Variants in ATP13A5 observed in about 807,000 individuals in gnomAD.
ATP13A5 encodes probable cation-transporting ATPase 13A5.
ATP13A5 carries 149 observed loss-of-function variants against 150.2 expected under a neutral mutation model. The observed-to-expected ratio is 0.99, with a 90% CI of 0.87 to 1.14. ATP13A5 has a LOEUF of 1.14. Ranked by LOEUF, ATP13A5 falls within the 50% of genes most tolerant of loss-of-function variation. ATP13A5 has a pLI of 0.00. For synonymous variants in ATP13A5, 497 were observed against 522.2 expected (o/e 0.95, Z 0.66); for missense variants, 1,383 against 1,449.3 (o/e 0.95, Z 0.74).
intron 7 of ATP13A5, 57 bp from the exon 8 acceptor site, chr3:193,345,132 T>C (rs116545953): frequency 0.019 from 29,016 of 1,491,282 alleles, 364 homozygotes; most frequent in Non-Finnish European, 0.022. Context: ...GAAAACCACA[T>C]GATCTCATTA....
intron 27 of ATP13A5, among the ~76,000 whole-genome samples, chr3:193,282,848 C>T (rs1717558178): frequency 6.6e-6 from 1 of 151,958 alleles, no homozygotes; most frequent in Non-Finnish European, 1.5e-5. Flanking sequence ...ATCAAAATCC[C>T]AAAGGGAAAT....
chr3:193,324,721 G>A (rs944591027), intron 14 of ATP13A5, 143 bp downstream of exon 14: 4 of 847,968 alleles, frequency 4.7e-6, no homozygotes, highest in Middle Eastern at 3.9e-4. Flanking sequence ...GGGGGCACAG[G>A]TTGGGAAGTT....
At chr3:193,317,367 T>C (rs1256649584) in intron 17 of ATP13A5, among the ~76,000 whole-genome samples, 2 of 152,230 alleles carry the variant, frequency 1.3e-5, no homozygotes, top group Non-Finnish European at 2.9e-5. Context: ...TATTTTCTAA[T>C]CTATTTCCCC....
intron 1 of ATP13A5, among the ~76,000 whole-genome samples, chr3:193,364,886 T>G (rs1713184023): frequency 6.6e-6 from 1 of 152,198 alleles, no homozygotes; most frequent in Admixed American, 6.5e-5. Flanking sequence ...TTATTTACCC[T>G]GATAGTAATA....
At chr3:193,345,174 A>T in intron 7 of ATP13A5, 99 bp from the exon 8 acceptor site, 1 of 1,166,390 alleles carries the variant, frequency 8.6e-7, no homozygotes, top group Non-Finnish European at 1.3e-6. Context: ...TCACAGCTAA[A>T]GTGACTCTGG....
intron 5 of ATP13A5, 106 bp downstream of exon 5, chr3:193,362,275 T>C: frequency 9.8e-7 from 1 of 1,016,532 alleles, no homozygotes; most frequent in Middle Eastern, 2.6e-4. Context: ...ACTTGGACTA[T>C]AACAAGCTGA....
chr3:193,359,816 T>TGTG lies in ATP13A5; in HGVS notation c.536+2562_536+2564dup, dbSNP rs1338546782. On this transcript the variant is annotated intron_variant, in intron 5 of 29. Transcript: ENST00000342358. ...GTGTGTGTGTGCATGTGTGTGTGTG[T>TGTG]GTGGTGGTGGTGGTGGTGGTGCAGG... Among the ~76,000 whole-genome samples the TGTG allele has an allele frequency of 9.9e-5, 15 of 151,868 alleles. No individual in the cohort carries two copies. In the South Asian group the frequency reaches 1.9e-3, roughly 19 times the overall value.
At chr3:193,358,241 G>A (rs923373059) in intron 5 of ATP13A5, among the ~76,000 whole-genome samples, 1 of 152,128 alleles carries the variant, frequency 6.6e-6, no homozygotes, top group African/African-American at 2.4e-5. Context: ...CCACTTCCAG[G>A]AACTTAGGAA....
At chr3:193,314,526 C>T (rs1007251792) in intron 18 of ATP13A5, among the ~76,000 whole-genome samples, 37 of 152,110 alleles carry the variant, frequency 2.4e-4, no homozygotes, top group Admixed American at 2.2e-3. Context: ...TAGCTTAAAC[C>T]ATCCACGGGA....
At chr3:193,327,090 G>A (rs1407826576) in intron 12 of ATP13A5, 33 bp from the exon 13 acceptor site, 1 of 1,562,700 alleles carries the variant, frequency 6.4e-7, no homozygotes, top group Non-Finnish European at 8.7e-7. Flanking sequence ...ATTAGCATAA[G>A]ATTTAAAGCT....
chr3:193,317,487 C>T (rs935645023), intron 17 of ATP13A5, among the ~76,000 whole-genome samples: 1 of 152,170 alleles, frequency 6.6e-6, no homozygotes, highest in Non-Finnish European at 1.5e-5. Context: ...ATTTGCTAAA[C>T]TGGTGAAGGG....
chr3:193,314,301 C>A, intron 18 of ATP13A5, 108 bp from the exon 19 acceptor site: 1 of 1,223,388 alleles, frequency 8.2e-7, no homozygotes, highest in African/African-American at 1.5e-5. Flanking sequence ...GAGCATTTAC[C>A]GCTTTCTGCC....
At chr3:193,299,023 T>C in intron 25 of ATP13A5, 108 bp downstream of exon 25, 1 of 830,744 alleles carries the variant, frequency 1.2e-6, no homozygotes. Context: ...AATAATGAGG[T>C]TTTGGAAATA....
chr3:193,295,506 A>T (rs1412989755), intron 25 of ATP13A5, among the ~76,000 whole-genome samples: 1 of 151,932 alleles, frequency 6.6e-6, no homozygotes, highest in Admixed American at 6.6e-5. Context: ...CTTGCATCTT[A>T]TTTGTTCATG....
At chr3:193,351,283 T>G in intron 6 of ATP13A5, 82 bp from the exon 7 acceptor site, 11 of 1,517,814 alleles carry the variant, frequency 7.2e-6, no homozygotes, top group Non-Finnish European at 9.9e-6. Context: ...TATCAATTTT[T>G]TTCTCATTTT....
Position 193,334,394 on chromosome 3 carries a change from G to T in ATP13A5, c.1115-487C>A, listed in dbSNP as rs151089201. Among the ~76,000 whole-genome samples, 318 of 152,218 alleles carry T rather than the reference G, an allele frequency of 2.1e-3. 2 individuals are homozygous for T. The highest frequency in any genetic ancestry group is 7.1e-3 in the African/African-American group (296 of 41,548). On this transcript the variant is annotated intron_variant, in intron 10 of 29. Coordinates refer to ENST00000342358, the MANE Select transcript of ATP13A5 (RefSeq NM_198505.4). ...CAGATTTGGTGCCACATTTGGTATG[G>T]GAAACAAGAGGAGTTGGAGATGTTA...
At position 193,318,979 on chromosome 3, in the gene ATP13A5, T is replaced by C. The variant is rs377375176; in HGVS notation, c.2033+12A>G. On this transcript the variant is annotated intron_variant, in intron 17 of 29. Transcript: ENST00000342358. Reference sequence around the variant, plus strand: ...CAGAGCCTGCTCTAGTGCCAATTTCTGAATTGCTTACCTGGCTAAGTGCTC... The same window carrying C: ...CAGAGCCTGCTCTAGTGCCAATTTCCGAATTGCTTACCTGGCTAAGTGCTC... 5.3e-5 allele frequency: 85 copies of C among 1,600,650 alleles called. No individual in the cohort carries two copies. In the African/African-American group the frequency reaches 1.1e-3, roughly 20 times the overall value.
At chr3:193,305,863 C>G (rs1248952038) in intron 22 of ATP13A5, among the ~76,000 whole-genome samples, 195 bp from the exon 23 acceptor site, 1 of 152,096 alleles carries the variant, frequency 6.6e-6, no homozygotes, top group East Asian at 1.9e-4. Flanking sequence ...TAAACAATGA[C>G]CCAGAGGTAG....
intron 5 of ATP13A5, among the ~76,000 whole-genome samples, chr3:193,358,987 C>G (rs543650080): frequency 1.3e-5 from 2 of 152,042 alleles, no homozygotes; most frequent in South Asian, 4.2e-4. Flanking sequence ...TCCATAGAAC[C>G]GTGGATCTGA....
Sources: allele counts gnomAD v4.1 joint callset (sites outside exome capture counted in the v4.1 genomes callset), GRCh38; gene constraint gnomAD v4.1.1; transcripts MANE v1.5; gene names NCBI Gene and HGNC (gene_info 2026-07-23, HGNC 2026-07-21).